GLRA2: variants seen among roughly 807,000 people sequenced by gnomAD.
GLRA2 encodes the protein glycine receptor subunit alpha-2.
Under a neutral mutation model 31.6 loss-of-function variants are expected in GLRA2, and 11 were observed. That is an observed-to-expected ratio of 0.35 (90% confidence interval 0.22 to 0.58). GLRA2 has a LOEUF of 0.58. GLRA2 is among the 20% of genes least tolerant of loss of function. The probability of loss-of-function intolerance (pLI) is 0.84; values close to 1 mark genes in which losing one functional copy is unlikely to be tolerated. For synonymous variants in GLRA2, 132 were observed against 134.0 expected, an observed-to-expected ratio of 0.99 and a Z score of 0.10; for missense variants, 212 against 351.8, an observed-to-expected ratio of 0.60 and a Z score of 3.18.
Position 14,583,260 on chromosome X carries a change from A to T in GLRA2, c.494+1854A>T, listed in dbSNP as rs772457448. ...CAGCCATTGTGGAAAGCAGTTTGGC[A>T]ATTTCTCAAACAAAGCAGAATTACC... On this transcript the variant is annotated intron_variant, in intron 4 of 8. Transcript: ENST00000218075. Among the ~76,000 whole-genome samples the T allele has an allele frequency of 5.3e-5, 6 of 112,533 alleles. No individual in the cohort carries two copies. The East Asian group carries it at 1.7e-3, about 32-fold the overall frequency.
intron 4 of GLRA2, among the ~76,000 whole-genome samples, chrX:14,583,464 C>T (rs367568731): frequency 2.1e-4 from 24 of 112,597 alleles, no homozygotes; most frequent in Middle Eastern, 4.6e-3. Flanking sequence ...GGCGGCTGGG[C>T]GCCGTGGGTC....
At chrX:14,720,099 TAAG>T (rs1267401152) in intron 8 of GLRA2, among the ~76,000 whole-genome samples, 2 of 111,331 alleles carry the variant, frequency 1.8e-5, no homozygotes, top group African/African-American at 6.5e-5. Flanking sequence ...TACAGCTACA[TAAG>T]AAGAACAAGT....
the GLRA2 span, among the ~76,000 whole-genome samples, chrX:14,489,710 A>G: frequency 2.1e-4 from 23 of 111,879 alleles, 1 homozygote; most frequent in Non-Finnish European, 3.6e-4. Flanking sequence ...CTGTCTCATT[A>G]TGAACTAATG....
intron 8 of GLRA2, among the ~76,000 whole-genome samples, chrX:14,707,619 T>C (rs762454049): frequency 1.0e-5 from 1 of 95,287 alleles, no homozygotes; most frequent in African/African-American, 4.0e-5. Flanking sequence ...AATATCATGG[T>C]ATATCCTGCT....
chrX:14,628,913 G>A (rs1267310427), intron 7 of GLRA2, among the ~76,000 whole-genome samples: 1 of 111,519 alleles, frequency 9.0e-6, no homozygotes, highest in Non-Finnish European at 1.9e-5. Context: ...ACTGTGTAGA[G>A]TAAGATTTGA....
the GLRA2 span, among the ~76,000 whole-genome samples, chrX:14,521,830 A>G: frequency 8.9e-6 from 1 of 112,419 alleles, no homozygotes; most frequent in Admixed American, 9.4e-5. Context: ...AATAATGCAC[A>G]TACCTTAATT....
At chrX:14,523,846 T>C in the GLRA2 span, among the ~76,000 whole-genome samples, 1 of 111,755 alleles carries the variant, frequency 8.9e-6, no homozygotes, top group Non-Finnish European at 1.9e-5. Context: ...GTCACCATAA[T>C]AGATATAATA....
chrX:14,507,686 A>ATTTTTTTTTTTTTTTTTTTTTT, the GLRA2 span, among the ~76,000 whole-genome samples: 1 of 56,051 alleles, frequency 1.8e-5, no homozygotes, highest in Non-Finnish European at 3.9e-5. Context: ...TACGAAAGAC[A>ATTTTTTTTTTTTTTTTTTTTTT]TTCTTTTTTT....
intron 4 of GLRA2, among the ~76,000 whole-genome samples, chrX:14,589,713 C>CATATATATATGTATACAT (rs1371430703): frequency 9.5e-6 from 1 of 105,694 alleles, no homozygotes; most frequent in Non-Finnish European, 1.9e-5. Context: ...TATATATACA[C>CATATATATATGTATACAT]ACATATATGT....
At chrX:14,538,265 C>T (rs1454901818) in intron 2 of GLRA2, among the ~76,000 whole-genome samples, 2 of 111,128 alleles carry the variant, frequency 1.8e-5, no homozygotes, top group African/African-American at 6.5e-5. Context: ...AGGTTTTCTT[C>T]TGCCTTTACC....
the GLRA2 span, among the ~76,000 whole-genome samples, chrX:14,506,839 T>C: frequency 9.0e-4 from 100 of 111,586 alleles, no homozygotes; most frequent in African/African-American, 3.0e-3. Context: ...ACTCTATGGA[T>C]AGATATTGAT....
rs769503246 is a variant in GLRA2, at chrX:14,600,974, C to T, written c.495-3341C>T. ...ATGGATCCTTTTGAATTTTTTTCAC[C>T]TTTAATAAGGTGTCAGCTTTGTTGT... On this transcript the variant is annotated intron_variant, in intron 4 of 8. Coordinates refer to ENST00000218075, the MANE Select transcript of GLRA2 (RefSeq NM_002063.4). Among the ~76,000 whole-genome samples, 4 of 102,962 alleles carry T rather than the reference C, an allele frequency of 3.9e-5. No individual in the cohort carries two copies. In the South Asian group the frequency reaches 1.8e-3, roughly 46 times the overall value. The allele number at this position is 102,962 out of a possible 115,157, so 89.4% of individuals were successfully genotyped here.
Position 14,730,632 on chromosome X carries a change from T to G in GLRA2, c.*147T>G. ...GGGGGTGGGTTTCCTGGCACCTACA[T>G]GAAAAAAAAGACAAGTTATATGGGT... On this transcript the variant is annotated 3_prime_UTR_variant, in exon 9 of 9. Coordinates refer to ENST00000218075, the MANE Select transcript of GLRA2 (RefSeq NM_002063.4). The G allele has an allele frequency of 2.3e-6, 1 of 442,961 alleles. No homozygotes were observed. 36.5% of individuals were successfully genotyped at this position (442,961 alleles called of 1,213,427 possible).
Position 14,552,083 on chromosome X carries a change from A to G in GLRA2, c.202+19711A>G, listed in dbSNP as rs1031007176. Among the ~76,000 whole-genome samples, 3 of 112,439 alleles carry G rather than the reference A, an allele frequency of 2.7e-5. No homozygotes were observed. The Admixed American group carries it at 2.8e-4, about 11-fold the overall frequency. On this transcript the variant is annotated intron_variant, in intron 2 of 8. Transcript: ENST00000218075. The stretch of plus-strand genomic sequence containing the variant: ...GACATTTATGATGTGCCTAACGTAT[A>G]GCAACTTTGAGAACTTACAGAAGCA...
intron 4 of GLRA2, among the ~76,000 whole-genome samples, chrX:14,599,069 C>T (rs112387642): frequency 2.7e-5 from 3 of 111,551 alleles, no homozygotes; most frequent in African/African-American, 9.8e-5. Context: ...ACTTTCTTTG[C>T]TTTGTTCTAT....
chrX:14,554,364 A>G (rs766306162), intron 2 of GLRA2, among the ~76,000 whole-genome samples: 9 of 111,992 alleles, frequency 8.0e-5, no homozygotes, highest in African/African-American at 2.9e-4. Context: ...AGGAAGAAAC[A>G]AGTCCCCATT....
At chrX:14,488,810 A>G in the GLRA2 span, among the ~76,000 whole-genome samples, 1 of 112,304 alleles carries the variant, frequency 8.9e-6, no homozygotes, top group Admixed American at 9.4e-5. Flanking sequence ...CCATTTACCA[A>G]CCAAAGTAAT....
At chrX:14,454,198 A>ACC in the GLRA2 span, among the ~76,000 whole-genome samples, 6 of 104,529 alleles carry the variant, frequency 5.7e-5, no homozygotes, top group African/African-American at 2.2e-4. Flanking sequence ...CCACACACAC[A>ACC]CACACACACA....
intron 7 of GLRA2, among the ~76,000 whole-genome samples, chrX:14,666,332 C>T (rs1181938400): frequency 8.9e-6 from 1 of 111,954 alleles, no homozygotes; most frequent in Non-Finnish European, 1.9e-5. Context: ...GCCTGGCTTT[C>T]TGAAAATTAA....
Sources: allele counts gnomAD v4.1 joint callset (sites outside exome capture counted in the v4.1 genomes callset), GRCh38; gene constraint gnomAD v4.1.1; transcripts MANE v1.5; gene names NCBI Gene and HGNC (gene_info 2026-07-23, HGNC 2026-07-21).